NIPSNAP1: variants seen among roughly 807,000 people sequenced by gnomAD.
NIPSNAP1 encodes the protein protein NipSnap homolog 1.
NIPSNAP1 carries 25 observed loss-of-function variants against 49.2 expected under a neutral mutation model. That is an observed-to-expected ratio of 0.51 (90% CI 0.37 to 0.71). The LOEUF is 0.71. Among genes scored for constraint, NIPSNAP1 ranks in the 30% least tolerant of loss-of-function variants. The pLI, the probability that NIPSNAP1 is intolerant of heterozygous loss-of-function variation, is 0.00. For missense variants in NIPSNAP1, 294 were observed against 361.0 expected, an observed-to-expected ratio of 0.81 and a Z score of 1.50; for synonymous variants, 143 against 140.7, an observed-to-expected ratio of 1.02 and a Z score of -0.12.
intron 1 of NIPSNAP1, chr22:29,579,937 G>T: frequency 2.0e-6 from 1 of 501,070 alleles, no homozygotes. Flanking sequence ...GGGCGCTTAT[G>T]CCACTCCTCT....
chr22:29,567,302 GCTAGGGGTGCCCCTGGGACTGTAAGACA>G (rs2064374697), intron 4 of NIPSNAP1, among the ~76,000 whole-genome samples: 1 of 152,116 alleles, frequency 6.6e-6, no homozygotes, highest in Non-Finnish European at 1.5e-5. Flanking sequence ...GATGGGGCAT[GCTAGGGGTGCCCCTGGGACTGTAAGACA>G]CCAGCTCAGA....
chr22:29,556,578 TAGAG>T (rs2064296192), intron 9 of NIPSNAP1, among the ~76,000 whole-genome samples: 2 of 151,984 alleles, frequency 1.3e-5, no homozygotes, highest in Admixed American at 6.6e-5. Context: ...GTTTTACAGA[TAGAG>T]AGGGTGCAGC....
intron 1 of NIPSNAP1, among the ~76,000 whole-genome samples, chr22:29,574,734 G>A (rs145774829): frequency 3.5e-3 from 527 of 149,558 alleles, no homozygotes; most frequent in African/African-American, 0.013. Flanking sequence ...AGCTGAGATC[G>A]TGCCATTGCA....
chr22:29,561,796 T>C lies in NIPSNAP1; in HGVS notation c.434A>G (p.Asn145Ser), dbSNP rs1304989913. The C allele has an allele frequency of 6.2e-7, 1 of 1,614,038 alleles. No homozygotes were observed. Among genetic ancestry groups the C allele is most frequent in the Non-Finnish European group, 8.5e-7 (1 of 1,179,970 alleles). ...LMDCMNKLKN[N>S]KEYLEFRRER... Reference sequence around the variant, plus strand: ...GCTGAGTGGACACTAACATACCTTATTGTTTTTGAGCTTGTTCATGCAGTC... The same window carrying C: ...GCTGAGTGGACACTAACATACCTTACTGTTTTTGAGCTTGTTCATGCAGTC... The change falls in exon 5 of 10, where the codon AAT becomes AGT. Residue 145 changes from asparagine (N) to serine (S), a missense_variant. Coordinates refer to ENST00000216121, the MANE Select transcript of NIPSNAP1 (RefSeq NM_003634.4).
In NIPSNAP1 at chr22:29,560,824, G is replaced by A. The variant is rs2064330265; in HGVS notation, c.616C>T (p.Arg206Trp). 30 of 1,613,894 alleles carry A rather than the reference G, an allele frequency of 1.9e-5. No individual in the cohort carries two copies. Among genetic ancestry groups the A allele is most frequent in the Non-Finnish European group, 2.5e-5 (29 of 1,179,980 alleles). Residue 206 changes from arginine (R) to tryptophan (W), a missense_variant, in exon 8 of 10, where the codon CGG becomes TGG. By Grantham distance (101) the Arg-to-Trp change is moderately radical (BLOSUM62 -3). Around this residue, in one of 4 missense-constraint regions of NIPSNAP1, gnomAD observed 146 missense variants for 219.9 expected, o/e 0.66. Transcript: ENST00000216121. ...TMIEWGNNWA[R>W]AIKYRQENQE... is the part of the protein sequence containing the mutation. The stretch of plus-strand genomic sequence containing the variant: ...TTCTCCTGCCGGTACTTGATGGCCC[G>A]AGCCCTGGAGAAGGCACAATAATAT...
chr22:29,579,415 G>A lies in NIPSNAP1; in HGVS notation c.98+1570C>T, dbSNP rs530392316. Among the ~76,000 whole-genome samples the A allele has an allele frequency of 3.3e-5, 5 of 149,440 alleles. No homozygotes were observed. In the East Asian group the frequency reaches 9.9e-4, roughly 29 times the overall value. ...GGGTTCACGCCATTCTCCTGCCTCAGCCTCCTGAGTAGCTGGGACTACAGG... is the reference window on the plus strand; with the variant it reads ...GGGTTCACGCCATTCTCCTGCCTCAACCTCCTGAGTAGCTGGGACTACAGG... On this transcript the variant is annotated intron_variant, in intron 1 of 9. Transcript: ENST00000216121.
Position 29,569,292 on chromosome 22 carries a change from G to T in NIPSNAP1, c.273-5C>A, listed in dbSNP as rs1386706874. 1.9e-6 allele frequency: 3 copies of T among 1,610,748 alleles called. No homozygotes were observed. In the African/African-American group the frequency reaches 4.0e-5, roughly 22 times the overall value. ...AGCTTGGGCAGCACAGCCTCCCTGTGGGGGAGGTGCAGAGAGGGGCAGGGT... is the reference window on the plus strand; with the variant it reads ...AGCTTGGGCAGCACAGCCTCCCTGTTGGGGAGGTGCAGAGAGGGGCAGGGT... On this transcript the variant is annotated splice_polypyrimidine_tract_variant and splice_region_variant and intron_variant, in intron 3 of 9. Transcript: ENST00000216121.
At chr22:29,559,163 G>T (rs534973731) in intron 8 of NIPSNAP1, among the ~76,000 whole-genome samples, 20 of 152,164 alleles carry the variant, frequency 1.3e-4, no homozygotes, top group African/African-American at 4.8e-4. Context: ...ATTTCTAGTC[G>T]CAAACACTCC....
At chr22:29,578,835 C>G (rs2064474950) in intron 1 of NIPSNAP1, among the ~76,000 whole-genome samples, 1 of 151,176 alleles carries the variant, frequency 6.6e-6, no homozygotes, top group Admixed American at 6.6e-5. Context: ...ACCCATGCTC[C>G]TTTTACAGCC....
intron 4 of NIPSNAP1, among the ~76,000 whole-genome samples, chr22:29,568,537 A>G (rs1290833103): frequency 6.6e-6 from 1 of 151,582 alleles, no homozygotes; most frequent in Admixed American, 6.6e-5. Context: ...TCACACCTGT[A>G]ATCCCAGCAC....
At chr22:29,568,540 C>A (rs987220639) in intron 4 of NIPSNAP1, among the ~76,000 whole-genome samples, 16 of 150,848 alleles carry the variant, frequency 1.1e-4, no homozygotes, top group African/African-American at 3.7e-4. Flanking sequence ...CACCTGTAAT[C>A]CCAGCACTTT....
At chr22:29,556,776 T>A (rs1050644979) in intron 9 of NIPSNAP1, among the ~76,000 whole-genome samples, 9 of 152,150 alleles carry the variant, frequency 5.9e-5, no homozygotes, top group African/African-American at 1.7e-4. Flanking sequence ...TGAGATGGAA[T>A]TTCACTCTTG....
Position 29,561,430 on chromosome 22 carries a change from G to A in NIPSNAP1, c.579+76C>T, listed in dbSNP as rs1402784524. ...GGGAGAAGCCAGAAGCCCCAGTCTAGGTGTTGGGGCAGCTGCAAAGCAGCA... is the reference window on the plus strand; with the variant it reads ...GGGAGAAGCCAGAAGCCCCAGTCTAAGTGTTGGGGCAGCTGCAAAGCAGCA... On this transcript the variant is annotated intron_variant, in intron 6 of 9. Transcript: ENST00000216121. The A allele has an allele frequency of 2.5e-6, 4 of 1,587,910 alleles. No homozygotes were observed. The African/African-American group carries it at 5.4e-5, about 21-fold the overall frequency.
intron 1 of NIPSNAP1, chr22:29,580,157 T>C (rs1156408334): frequency 2.3e-6 from 3 of 1,303,944 alleles, no homozygotes; most frequent in Non-Finnish European, 3.0e-6. Flanking sequence ...GGTGGGAGGC[T>C]GGGGAAACAG....
intron 6 of NIPSNAP1, 129 bp downstream of exon 6, chr22:29,561,377 A>AAACATGCACACCAGGTGTG: frequency 6.8e-7 from 1 of 1,468,280 alleles, no homozygotes; most frequent in Non-Finnish European, 9.5e-7. Context: ...ACACATGTGT[A>AAACATGCACACCAGGTGTG]TACAACTCTG....
chr22:29,557,221 T>A (rs967961200), intron 9 of NIPSNAP1, among the ~76,000 whole-genome samples: 1 of 148,700 alleles, frequency 6.7e-6, no homozygotes, highest in Non-Finnish European at 1.5e-5. Flanking sequence ...TGGGTTCAAG[T>A]GATTCTTGTG....
intron 4 of NIPSNAP1, among the ~76,000 whole-genome samples, chr22:29,565,071 G>T (rs1457554037): frequency 6.6e-6 from 1 of 152,014 alleles, no homozygotes. Flanking sequence ...AGGCATGGTG[G>T]TGCATGTCTG....
chr22:29,561,584 G>C lies in NIPSNAP1; in HGVS notation c.501C>G (p.Leu167=). Residue 167 remains leucine, a synonymous_variant, in exon 6 of 10, where the codon CTC becomes CTG. Coordinates refer to ENST00000216121, the MANE Select transcript of NIPSNAP1 (RefSeq NM_003634.4). ...QMLLSRRNQL[L]LEFSFWNEPQ... The stretch of plus-strand genomic sequence containing the variant: ...GCTCATTCCAGAAGCTGAACTCGAG[G>C]AGCAGCTGGTTTCTCCTGGACAGCA... 6.2e-7 allele frequency: 1 copy of C among 1,614,068 alleles called. No individual in the cohort carries two copies. The highest frequency in any genetic ancestry group is 8.5e-7 in the Non-Finnish European group (1 of 1,180,002).
In NIPSNAP1 at chr22:29,561,792, C is replaced by G; in HGVS notation, c.438G>C (p.Lys146Asn). ...GTGTGCTGAGTGGACACTAACATAC[C>G]TTATTGTTTTTGAGCTTGTTCATGC... ...MDCMNKLKNN[K>N]EYLEFRRERS... Residue 146 changes from lysine to asparagine, a missense_variant and splice_region_variant, in exon 5 of 10, where the codon AAG becomes AAC. By Grantham distance (94) the Lys-to-Asn change is moderately conservative (BLOSUM62 0). This residue lies in a region of NIPSNAP1 where 146 missense variants were observed against 219.9 expected (regional missense o/e 0.66). Transcript: ENST00000216121. The G allele has an allele frequency of 6.2e-7, 1 of 1,614,060 alleles. No homozygotes were observed. Among genetic ancestry groups the G allele is most frequent in the Non-Finnish European group, 8.5e-7 (1 of 1,180,000 alleles).
Sources: allele counts gnomAD v4.1 joint callset (sites outside exome capture counted in the v4.1 genomes callset), GRCh38; gene constraint gnomAD v4.1.1; regional missense constraint gnomAD v4.1.1; transcripts MANE v1.5; gene names NCBI Gene and HGNC (gene_info 2026-07-23, HGNC 2026-07-21).